The following ICA1L variants were observed in gnomAD, a reference collection of about 807,000 sequenced individuals.
ICA1L encodes islet cell autoantigen 1-like protein.
ICA1L carries 50 observed loss-of-function variants against 61.3 expected under a neutral mutation model. The ratio of observed to expected loss-of-function variants is 0.82; its 90% CI spans 0.65 to 1.03. The LOEUF is 1.03. ICA1L is among the 50% of genes least tolerant of loss of function. ICA1L has a pLI of 0.00. For missense variants in ICA1L, 508 were observed against 556.7 expected (o/e 0.91, Z 0.88); for synonymous variants, 161 against 191.3 (o/e 0.84, Z 1.31).
intron 1 of ICA1L, among the ~76,000 whole-genome samples, chr2:202,838,646 A>G (rs2105869253): frequency 6.6e-6 from 1 of 152,328 alleles, no homozygotes; most frequent in East Asian, 1.9e-4. Context: ...TTCTTGATGA[A>G]TTGATCCCTT....
intron 3 of ICA1L, among the ~76,000 whole-genome samples, chr2:202,824,749 C>T (rs1277516903): frequency 6.6e-6 from 1 of 151,950 alleles, no homozygotes; most frequent in Non-Finnish European, 1.5e-5. Flanking sequence ...AGCAGGCCCA[C>T]TGTAATTAAA....
chr2:202,834,857 G>T (rs1428206975), intron 1 of ICA1L, among the ~76,000 whole-genome samples: 1 of 151,592 alleles, frequency 6.6e-6, no homozygotes, highest in Non-Finnish European at 1.5e-5. Flanking sequence ...CAGATTCAGG[G>T]TCTCACTCTG....
intron 12 of ICA1L, among the ~76,000 whole-genome samples, chr2:202,784,077 G>C (rs1380433154): frequency 6.6e-6 from 1 of 152,182 alleles, no homozygotes; most frequent in Non-Finnish European, 1.5e-5. Flanking sequence ...AAGTCAGCCT[G>C]AAAGGGCTCC....
rs566451955 is a variant in ICA1L, at chr2:202,864,627, A to ATGTGTGTGTGTGTG, written c.-8+6978_-8+6991dup. On this transcript the variant is annotated intron_variant, in intron 1 of 12. Transcript: ENST00000358299. ...TGTATATGTGTGTGTGTATATATATATGTGTGTGTGTGTGTGTGTGTATAT... is the reference window on the plus strand; with the variant it reads ...TGTATATGTGTGTGTGTATATATATATGTGTGTGTGTGTGTGTGTGTGTGTGTGTGTGTGTATAT... Among the ~76,000 whole-genome samples the ATGTGTGTGTGTGTG allele has an allele frequency of 3.2e-3, 486 of 150,378 alleles. 1 individual carries two copies. Among genetic ancestry groups the ATGTGTGTGTGTGTG allele is most frequent in the African/African-American group, 7.9e-3 (324 of 41,052 alleles).
chr2:202,789,279 T>G (rs534992929), intron 10 of ICA1L, among the ~76,000 whole-genome samples, 192 bp from the exon 11 acceptor site: 1 of 152,302 alleles, frequency 6.6e-6, no homozygotes, highest in African/African-American at 2.4e-5. Flanking sequence ...AATGGCCACA[T>G]TTAACAATGA....
intron 1 of ICA1L, among the ~76,000 whole-genome samples, chr2:202,867,844 T>C (rs1219881566): frequency 6.6e-6 from 1 of 152,218 alleles, no homozygotes; most frequent in Non-Finnish European, 1.5e-5. Context: ...AATCCAGCAA[T>C]TGTATTCTTA....
chr2:202,810,288 C>T (rs564116223), intron 9 of ICA1L, among the ~76,000 whole-genome samples: 3 of 152,214 alleles, frequency 2.0e-5, no homozygotes, highest in Non-Finnish European at 4.4e-5. Flanking sequence ...GGACCCCGAA[C>T]AGAGGGACCG....
At chr2:202,837,236 C>T (rs1694178246) in intron 1 of ICA1L, among the ~76,000 whole-genome samples, 1 of 151,866 alleles carries the variant, frequency 6.6e-6, no homozygotes, top group Middle Eastern at 3.4e-3. Flanking sequence ...TAAGCATTTC[C>T]TCTTTTTTAT....
At chr2:202,822,794 C>G (rs1048810116) in intron 3 of ICA1L, among the ~76,000 whole-genome samples, 1 of 152,194 alleles carries the variant, frequency 6.6e-6, no homozygotes, top group African/African-American at 2.4e-5. Context: ...TCCCCACTAC[C>G]CCTGTCCCCG....
Position 202,774,260 on chromosome 2 carries a change from G to A in ICA1L, c.*5273C>T. On this transcript the variant is annotated 3_prime_UTR_variant, in exon 13 of 13. Transcript: ENST00000358299. ...AGTCTTCTCGCTCCTGTCGGCCAAAGGCCGTGACCCCGACGCGTGCAGGCA... is the reference window on the plus strand; with the variant it reads ...AGTCTTCTCGCTCCTGTCGGCCAAAAGCCGTGACCCCGACGCGTGCAGGCA... The A allele has an allele frequency of 6.5e-7, 1 of 1,546,086 alleles. No individual in the cohort carries two copies. The highest frequency in any genetic ancestry group is 8.7e-7 in the Non-Finnish European group (1 of 1,145,700).
At chr2:202,846,611 C>T (rs549778115) in intron 1 of ICA1L, among the ~76,000 whole-genome samples, 1 of 152,230 alleles carries the variant, frequency 6.6e-6, no homozygotes, top group South Asian at 2.1e-4. Context: ...GTCCCTGAAG[C>T]CTAACACACC....
At chr2:202,855,337 C>G (rs1445891104) in intron 1 of ICA1L, among the ~76,000 whole-genome samples, 2 of 151,840 alleles carry the variant, frequency 1.3e-5, no homozygotes, top group Non-Finnish European at 1.5e-5. Flanking sequence ...GAAAAACCCT[C>G]CAAAAAAATC....
At chr2:202,785,701 C>T (rs917789682) in intron 12 of ICA1L, among the ~76,000 whole-genome samples, 1 of 152,186 alleles carries the variant, frequency 6.6e-6, no homozygotes, top group African/African-American at 2.4e-5. Flanking sequence ...TCCAGGATTA[C>T]AGGCATGAGC....
At chr2:202,779,798 G>T in intron 12 of ICA1L, 150 bp from the exon 13 acceptor site, 10 of 479,742 alleles carry the variant, frequency 2.1e-5, no homozygotes, top group Non-Finnish European at 3.6e-5. Context: ...GTCCCTTTAA[G>T]ATTTTTTTTT....
chr2:202,809,634 G>A (rs1424435007), intron 9 of ICA1L, among the ~76,000 whole-genome samples: 1 of 151,046 alleles, frequency 6.6e-6, no homozygotes, highest in African/African-American at 2.4e-5. Flanking sequence ...TGGGCAACAA[G>A]AGTGAAACTC....
At chr2:202,864,591 G>C (rs1473071239) in intron 1 of ICA1L, among the ~76,000 whole-genome samples, 1 of 151,870 alleles carries the variant, frequency 6.6e-6, no homozygotes, top group Non-Finnish European at 1.5e-5. Flanking sequence ...GTAGTAGTGT[G>C]TGTGTATGTA....
chr2:202,805,011 A>T (rs1270982104), intron 9 of ICA1L, among the ~76,000 whole-genome samples: 1 of 152,222 alleles, frequency 6.6e-6, no homozygotes, highest in Non-Finnish European at 1.5e-5. Flanking sequence ...ATGGACCTTC[A>T]TACAATGGAT....
Position 202,833,750 on chromosome 2 carries a change from T to TA in ICA1L, c.-7-4735dup, listed in dbSNP as rs1209741714. ...AACATATTAAAAAATATGGTATATATACTCAATGGAATACTATTCAGCCTT... is the reference window on the plus strand; with the variant it reads ...AACATATTAAAAAATATGGTATATATAACTCAATGGAATACTATTCAGCCTT... On this transcript the variant is annotated intron_variant, in intron 1 of 12. Coordinates refer to ENST00000358299, the MANE Select transcript of ICA1L (RefSeq NM_001288622.3). 3.3e-5 allele frequency among the ~76,000 whole-genome samples: 5 copies of TA among 152,316 alleles called. No individual in the cohort carries two copies. In the East Asian group the frequency reaches 9.6e-4, roughly 29 times the overall value.
chr2:202,835,429 C>T (rs1284590960), intron 1 of ICA1L, among the ~76,000 whole-genome samples: 2 of 151,740 alleles, frequency 1.3e-5, no homozygotes, highest in Non-Finnish European at 2.9e-5. Flanking sequence ...TGGTCTCAAA[C>T]TCTTGACCTC....
Sources: allele counts gnomAD v4.1 joint callset (sites outside exome capture counted in the v4.1 genomes callset), GRCh38; gene constraint gnomAD v4.1.1; transcripts MANE v1.5; gene names NCBI Gene and HGNC (gene_info 2026-07-23, HGNC 2026-07-21).